The following NR5A1 variants were observed in gnomAD, a reference collection of about 807,000 sequenced individuals.
NR5A1 encodes the protein steroidogenic factor 1.
A neutral mutation model predicts 42.7 loss-of-function variants in NR5A1; 6 were observed. That is an observed-to-expected ratio of 0.14 (90% confidence interval 0.08 to 0.28). The LOEUF (loss-of-function observed/expected upper bound fraction) is 0.28. Among genes scored for constraint, NR5A1 ranks in the 10% least tolerant of loss-of-function variants. The pLI is 1.00. For synonymous variants in NR5A1, 274 were observed against 277.5 expected (o/e 0.99, Z 0.12); for missense variants, 442 against 626.4 (o/e 0.71, Z 3.14).
intron 6 of NR5A1, 50 bp downstream of exon 6, chr9:124,491,031 C>CCCCCCCCCCCCCCGGGGGGGG: frequency 8.2e-7 from 1 of 1,217,252 alleles, no homozygotes; most frequent in Non-Finnish European, 1.1e-6. Flanking sequence ...ACCCTCCCAC[C>CCCCCCCCCCCCCCGGGGGGGG]CACCCGCCTC....
At chr9:124,490,941 A>T in intron 6 of NR5A1, 140 bp downstream of exon 6, 1 of 1,088,468 alleles carries the variant, frequency 9.2e-7, no homozygotes, top group Non-Finnish European at 1.3e-6. Context: ...TCACTGAATG[A>T]GTAAGGGAGG....
At chr9:124,488,831 C>T (rs921793766) in intron 6 of NR5A1, among the ~76,000 whole-genome samples, 4 of 152,248 alleles carry the variant, frequency 2.6e-5, no homozygotes, top group South Asian at 2.1e-4. Context: ...CTTTCCTAAG[C>T]GCTGTGCCAC....
chr9:124,492,406 G>A (rs899890402), intron 5 of NR5A1, among the ~76,000 whole-genome samples: 2 of 132,760 alleles, frequency 1.5e-5, no homozygotes, highest in African/African-American at 2.8e-5. Context: ...AGCTCTCCCC[G>A]GACCCCTGCT....
intron 1 of NR5A1, among the ~76,000 whole-genome samples, chr9:124,506,541 C>T (rs1324648457): frequency 1.3e-5 from 2 of 152,152 alleles, no homozygotes; most frequent in Admixed American, 1.3e-4. Flanking sequence ...TAAGGTAGAG[C>T]TCACCCGAGG....
intron 4 of NR5A1, among the ~76,000 whole-genome samples, chr9:124,494,268 C>T (rs1414529784): frequency 2.0e-5 from 3 of 152,208 alleles, no homozygotes; most frequent in East Asian, 3.8e-4. Context: ...TTCGTATAGT[C>T]GCCACCCACA....
chr9:124,503,825 G>T lies in NR5A1; in HGVS notation c.-15-415C>A, dbSNP rs188786576. 0.011 allele frequency among the ~76,000 whole-genome samples: 1,688 copies of T among 152,308 alleles called. 25 individuals carry two copies. The highest frequency in any genetic ancestry group is 0.038 in the African/African-American group (1,592 of 41,554). On this transcript the variant is annotated intron_variant, in intron 1 of 6. Coordinates refer to ENST00000373588, the MANE Select transcript of NR5A1 (RefSeq NM_004959.5). This position sits in a 1 kb window ranked among gnomAD's most constrained non-coding sequence, Gnocchi z 9.6. ...CCCGGCCCGGGTGTTCTGGGAACCC[G>T]ACAGAGACGAAGGAGGCAGAGACAG...
rs1355705221 is a variant in NR5A1, at chr9:124,501,624, G to C, written c.245-909C>G. ...CTGGCCAATCTTCCTGCCCCCTGGG[G>C]TGGGCAGCGCTGTGCTGCTCGCAGG... is the stretch of plus-strand genomic sequence containing the variant. On this transcript the variant is annotated intron_variant, in intron 3 of 6. Coordinates refer to ENST00000373588, the MANE Select transcript of NR5A1 (RefSeq NM_004959.5). The surrounding 1 kb of genome is among the most constrained non-coding windows in gnomAD (Gnocchi z 4.1). 1.3e-5 allele frequency among the ~76,000 whole-genome samples: 2 copies of C among 152,192 alleles called. No homozygotes were observed. The highest frequency in any genetic ancestry group is 2.9e-5 in the Non-Finnish European group (2 of 68,028).
rs533665526 is a variant in NR5A1, at chr9:124,498,175, C to A, written c.870+1915G>T. Among the ~76,000 whole-genome samples, 1 of 152,232 alleles carries A rather than the reference C, an allele frequency of 6.6e-6. No homozygotes were observed. Among genetic ancestry groups the A allele is most frequent in the East Asian group, 1.9e-4 (1 of 5,176 alleles). On this transcript the variant is annotated intron_variant, in intron 4 of 6. Coordinates refer to ENST00000373588, the MANE Select transcript of NR5A1 (RefSeq NM_004959.5). This position sits in a 1 kb window ranked among gnomAD's most constrained non-coding sequence, Gnocchi z 4.6. ...AGAAGAGACGCCGGAGTCACCCACA[C>A]CCCTCCCACTTTTCTGTCTCCTCAC...
At position 124,503,061 on chromosome 9, in the gene NR5A1, G is replaced by A; in HGVS notation, c.244+18C>T. 6.4e-7 allele frequency: 1 copy of A among 1,557,318 alleles called. No individual in the cohort carries two copies. Among genetic ancestry groups the A allele is most frequent in the Non-Finnish European group, 8.7e-7 (1 of 1,155,384 alleles). On this transcript the variant is annotated intron_variant, in intron 3 of 6. Transcript: ENST00000373588. This position sits in a 1 kb window ranked among gnomAD's most constrained non-coding sequence, Gnocchi z 9.6. ...CAGGCTGTGGGGGGTCAGGGGTCGA[G>A]GCCCGCGCGGCGCGCACCTTCCAGG...
chr9:124,482,435 G>T lies in NR5A1; in HGVS notation c.*323C>A. ...CAGGGAATCCCGAACCTCCTCCCCGGACCTGCAGGCTTCAGACTCCAGGAG... is the reference window on the plus strand; with the variant it reads ...CAGGGAATCCCGAACCTCCTCCCCGTACCTGCAGGCTTCAGACTCCAGGAG... On this transcript the variant is annotated 3_prime_UTR_variant, in exon 7 of 7. Coordinates refer to ENST00000373588, the MANE Select transcript of NR5A1 (RefSeq NM_004959.5). 2 of 407,028 alleles carry T rather than the reference G, an allele frequency of 4.9e-6. No homozygotes were observed. Among genetic ancestry groups the T allele is most frequent in the Non-Finnish European group, 9.3e-6 (2 of 214,684 alleles). The allele number at this position is 407,028 out of a possible 1,614,324, so 25.2% of individuals were successfully genotyped here.
At chr9:124,499,954 A>G in intron 4 of NR5A1, 136 bp downstream of exon 4, 1 of 1,221,090 alleles carries the variant, frequency 8.2e-7, no homozygotes, top group Non-Finnish European at 1.2e-6. Flanking sequence ...TAATGTCCCC[A>G]GGGTGGCCTC....
intron 6 of NR5A1, 42 bp downstream of exon 6, chr9:124,491,039 C>CCCCAGGGGG: frequency 1.3e-6 from 2 of 1,496,960 alleles, no homozygotes; most frequent in Non-Finnish European, 1.8e-6. Flanking sequence ...ACCCACCCGC[C>CCCCAGGGGG]TCTGGCTGTC....
intron 6 of NR5A1, among the ~76,000 whole-genome samples, chr9:124,487,410 A>T (rs530039011): frequency 6.6e-6 from 1 of 152,380 alleles, no homozygotes; most frequent in African/African-American, 2.4e-5. Context: ...GAAGTCAGGA[A>T]ATCGAATGTT....
chr9:124,482,775 G>C lies in NR5A1; in HGVS notation c.1369C>G (p.Gln457Glu), dbSNP rs763737945. The stretch of plus-strand genomic sequence containing the variant: ...GCCCAGGCTCAAGTCTGCTTGGCTT[G>C]CAGCATTTCGATGAGCAGGTTGTTG... ...PRNNLLIEML[Q>E]AKQT Residue 457 changes from glutamine (Q) to glutamate (E), a missense_variant, in exon 7 of 7, where the codon CAA (glutamine) becomes GAA (glutamate). By Grantham distance (29) the Gln-to-Glu change is conservative. Around this residue, in one of 3 missense-constraint regions of NR5A1, gnomAD observed 163 missense variants for 265.8 expected, o/e 0.61. Transcript: ENST00000373588. The C allele has an allele frequency of 6.4e-7, 1 of 1,566,498 alleles. No individual in the cohort carries two copies. Among genetic ancestry groups the C allele is most frequent in the South Asian group, 1.1e-5 (1 of 87,026 alleles).
At chr9:124,505,535 G>T (rs894010949) in intron 1 of NR5A1, among the ~76,000 whole-genome samples, 9 of 152,236 alleles carry the variant, frequency 5.9e-5, no homozygotes, top group African/African-American at 2.2e-4. Flanking sequence ...ATGAACCCAA[G>T]CAGTAGGGGC....
intron 6 of NR5A1, among the ~76,000 whole-genome samples, chr9:124,485,652 G>A (rs7851737): frequency 0.41 from 62,031 of 152,148 alleles, 13,934 homozygotes; most frequent in Non-Finnish European, 0.51. Context: ...GAAGTTCCCC[G>A]TTGTCCAGAG....
Position 124,503,422 on chromosome 9 carries a change from C to G in NR5A1, c.-15-12G>C. ...CCCGCGGCGTCCGCCTGCGGAGGGA[C>G]AGCGGGTCAGGGAGGGCCGGCGGAG... On this transcript the variant is annotated splice_polypyrimidine_tract_variant and intron_variant, in intron 1 of 6. Coordinates refer to ENST00000373588, the MANE Select transcript of NR5A1 (RefSeq NM_004959.5). The surrounding 1 kb of genome is among the most constrained non-coding windows in gnomAD (Gnocchi z 9.6). 4.4e-6 allele frequency: 7 copies of G among 1,587,658 alleles called. No homozygotes were observed. Among genetic ancestry groups the G allele is most frequent in the Non-Finnish European group, 6.0e-6 (7 of 1,167,986 alleles).
At chr9:124,502,850 C>T (rs1258317259) in intron 3 of NR5A1, among the ~76,000 whole-genome samples, 1 of 152,184 alleles carries the variant, frequency 6.6e-6, no homozygotes, top group Admixed American at 6.5e-5. Context: ...ATAGGGTTCA[C>T]TTTTGGATAC....
In NR5A1 at chr9:124,501,824, C is replaced by T. The variant is rs1032432231; in HGVS notation, c.245-1109G>A. On this transcript the variant is annotated intron_variant, in intron 3 of 6. Coordinates refer to ENST00000373588, the MANE Select transcript of NR5A1 (RefSeq NM_004959.5). The surrounding 1 kb of genome is among the most constrained non-coding windows in gnomAD (Gnocchi z 4.1). ...TCTCAGAGCCACCTGGGGCTTTCTACACTGTTCCAAGACCTTAATCAACCA... is the reference window on the plus strand; with the variant it reads ...TCTCAGAGCCACCTGGGGCTTTCTATACTGTTCCAAGACCTTAATCAACCA... Among the ~76,000 whole-genome samples the T allele has an allele frequency of 2.6e-5, 4 of 152,166 alleles. No individual in the cohort carries two copies. The highest frequency in any genetic ancestry group is 5.9e-5 in the Non-Finnish European group (4 of 68,030).
Sources: gnomAD v4.1 joint callset for allele counts (sites outside exome capture counted in the v4.1 genomes callset) on GRCh38, gnomAD v4.1.1 for gene constraint, gnomAD v4.1.1 regional missense constraint, Gnocchi (gnomAD v3.1) non-coding constraint, MANE v1.5 for transcripts, NCBI Gene and HGNC (gene_info 2026-07-23, HGNC 2026-07-21) for gene names.